The following SZT2 variants were observed in gnomAD, a reference collection of about 807,000 sequenced individuals.
SZT2 encodes the protein KICSTOR complex protein SZT2.
Under a neutral mutation model 404.2 loss-of-function variants are expected in SZT2, and 216 were observed. The ratio of observed to expected loss-of-function variants is 0.53; its 90% CI spans 0.48 to 0.60. The LOEUF is 0.60. SZT2 is among the 20% of genes least tolerant of loss of function. The probability of loss-of-function intolerance (pLI) is 0.00; values close to 1 mark genes in which losing one functional copy is unlikely to be tolerated. For synonymous variants in SZT2, 1,693 were observed against 1,749.9 expected (o/e 0.97, Z 0.81); for missense variants, 3,857 against 4,459.2 (o/e 0.86, Z 3.85).
rs146502950 is a variant in SZT2, at chr1:43,393,997, C to T, written c.27+4002C>T. On this transcript the variant is annotated intron_variant, in intron 1 of 71. Coordinates refer to ENST00000634258, the MANE Select transcript of SZT2 (RefSeq NM_001365999.1). ...CAAATGATAGAATCAGATTTGAATC[C>T]AGGTCCCTGACCCCGAAACTCTACT... 9.6e-3 allele frequency: 7,151 copies of T among 743,686 alleles called. 67 individuals carry two copies. The highest frequency in any genetic ancestry group is 0.047 in the Admixed American group (748 of 15,970). The allele number at this position is 743,686 out of a possible 1,614,324, so 46.1% of individuals were successfully genotyped here. A position where few individuals can be genotyped will look rare whatever the true frequency, so the allele number is the denominator to read the frequency against.
chr1:43,426,032 T>C lies in SZT2; in HGVS notation c.2930-6T>C, dbSNP rs1557555180. On this transcript the variant is annotated splice_region_variant and splice_polypyrimidine_tract_variant and intron_variant, in intron 20 of 71. Transcript: ENST00000634258. The surrounding 1 kb of genome is among the most constrained non-coding windows in gnomAD (Gnocchi z 4.9). ...CTCACTGTGTCCTGTCCTTCCTCCC[T>C]CGTAGGATTGGATCAGGGAGGAGAC... 1 of 1,613,794 alleles carries C rather than the reference T, an allele frequency of 6.2e-7. No homozygotes were observed. The highest frequency in any genetic ancestry group is 8.5e-7 in the Non-Finnish European group (1 of 1,179,920).
intron 1 of SZT2, among the ~76,000 whole-genome samples, chr1:43,402,962 T>C (rs1396978333): frequency 6.6e-6 from 1 of 152,152 alleles, no homozygotes; most frequent in African/African-American, 2.4e-5. Context: ...TCACTTCATC[T>C]ATATGGAGGT....
chr1:43,435,991 G>C (rs949938673), intron 42 of SZT2: 16 of 152,236 alleles, frequency 1.1e-4, no homozygotes, highest in African/African-American at 3.6e-4. Flanking sequence ...ATTGCCTTCT[G>C]ATTGGCTGTT....
Position 43,416,575 on chromosome 1 carries a change from T to C in SZT2, c.813T>C (p.Asp271=), listed in dbSNP as rs889448726. 6.3e-7 allele frequency: 1 copy of C among 1,598,272 alleles called. No individual in the cohort carries two copies. The highest frequency in any genetic ancestry group is 8.5e-7 in the Non-Finnish European group (1 of 1,179,818). Residue 271 remains aspartate (D), a synonymous_variant, in exon 7 of 72, where the codon GAT becomes GAC. Coordinates refer to ENST00000634258, the MANE Select transcript of SZT2 (RefSeq NM_001365999.1). ...CGGATGGGGTGACCAGTGTACCTGA[T>C]GTTGCTGTCTGTGAGACACTGCTGA... ...VITDGVTSVP[D]VAVCETLLNQ...
At position 43,420,783 on chromosome 1, in the gene SZT2, G is replaced by A. The variant is rs769656441; in HGVS notation, c.1296G>A (p.Leu432=). The change falls in exon 10 of 72, where the codon CTG becomes CTA. Residue 432 remains leucine, a synonymous_variant. Transcript: ENST00000634258. This position sits in a 1 kb window ranked among gnomAD's most constrained non-coding sequence, Gnocchi z 5.1. ...GSQLEVKLVL[L]WKHNMRIEYV... ...AATTGGAGGTAAAGCTGGTGCTGCT[G>A]TGGAAACACAACATGCGCATTGAGT... 48 of 1,598,332 alleles carry A rather than the reference G, an allele frequency of 3.0e-5. No individual in the cohort carries two copies. The African/African-American group carries it at 5.7e-4, about 19-fold the overall frequency.
intron 39 of SZT2, 73 bp from the exon 40 acceptor site, chr1:43,432,912 AAGCC>A: frequency 1.3e-6 from 2 of 1,583,720 alleles, no homozygotes; most frequent in South Asian, 2.2e-5. Flanking sequence ...GAAGTGCATC[AAGCC>A]AGATGCACCT....
In SZT2 at chr1:43,431,274, T is replaced by C. The variant is rs1321942507; in HGVS notation, c.4926T>C (p.Ser1642=). ...TTCCCACCCTGTTCAGGTCAACATC[T>C]GAAAGCAGTGCTTCATTTCCACGAT... ...ASDPQHHRST[S]ESSASFPRSP... is the part of the protein sequence containing the mutation. The change falls in exon 34 of 72, where the codon TCT becomes TCC. Residue 1642 remains serine (S), a synonymous_variant. Coordinates refer to ENST00000634258, the MANE Select transcript of SZT2 (RefSeq NM_001365999.1). 1 of 1,610,660 alleles carries C rather than the reference T, an allele frequency of 6.2e-7. No homozygotes were observed. Among genetic ancestry groups the C allele is most frequent in the East Asian group, 2.2e-5 (1 of 44,874 alleles).
At chr1:43,390,816 C>T (rs187729580) in intron 1 of SZT2, among the ~76,000 whole-genome samples, 73 of 152,266 alleles carry the variant, frequency 4.8e-4, no homozygotes, top group African/African-American at 1.7e-3. Context: ...TAAAACACCA[C>T]CACCAGGAAA....
intron 1 of SZT2, among the ~76,000 whole-genome samples, chr1:43,393,865 G>A (rs1648686887): frequency 6.6e-6 from 1 of 152,156 alleles, no homozygotes; most frequent in African/African-American, 2.4e-5. Context: ...TTCCTCTCCT[G>A]TTTAATTGCA....
At chr1:43,415,882 G>A in intron 5 of SZT2, 78 bp from the exon 6 acceptor site, 1 of 1,493,164 alleles carries the variant, frequency 6.7e-7, no homozygotes, top group Non-Finnish European at 8.9e-7. Flanking sequence ...GAAGTGCTGG[G>A]CTATAAATTC....
rs759762015 is a variant in SZT2 at position 43,389,985 on chromosome 1, C to G, written c.17C>G (p.Pro6Arg). The G allele has an allele frequency of 2.9e-5, 40 of 1,393,882 alleles. No individual in the cohort carries two copies. The highest frequency in any genetic ancestry group is 2.0e-4 in the Middle Eastern group (1 of 5,042). The allele number at this position is 1,393,882 out of a possible 1,614,324, so 86.3% of individuals were successfully genotyped here. The stretch of plus-strand genomic sequence containing the variant: ...GGCTGTGTGATGGCCTCGGAGCGCC[C>G]GGAGCCGGAGGTGAGGGGCGGGCGG... Reference protein sequence around the residue: MASERPEPEVEEAGQV... With the variant: MASERREPEVEEAGQV... The change falls in exon 1 of 72, where the codon CCG (proline) becomes CGG (arginine). Residue 6 changes from proline to arginine, a missense_variant. Physicochemically the swap from Pro to Arg is moderately radical, Grantham distance 103. Around this residue, in one of 7 missense-constraint regions of SZT2, gnomAD observed 536 missense variants for 637.4 expected, o/e 0.84. Coordinates refer to ENST00000634258, the MANE Select transcript of SZT2 (RefSeq NM_001365999.1).
chr1:43,434,495 A>G lies in SZT2; in HGVS notation c.5904+10A>G, dbSNP rs1223438628. The G allele has an allele frequency of 6.3e-7, 1 of 1,582,738 alleles. No individual in the cohort carries two copies. On this transcript the variant is annotated intron_variant, in intron 41 of 71. Transcript: ENST00000634258. ...CAGGGAGGTCAACCAGGTAAGGGGC[A>G]GGACTCTCCAGACCCGGACACACAG...
Position 43,438,736 on chromosome 1 carries a change from T to A in SZT2, c.6546T>A (p.Cys2182Ter). ...CGGATGAGCTCGTGCGAGTTCTATG[T>A]CGGCGCCTGGATGAGGCCACGCTGG... ...EITDELVRVLCRRLDEATLDV... is the reference protein window; with the variant it reads ...EITDELVRVL The change falls in exon 47 of 72, where the codon TGT (cysteine) becomes TGA (stop). Residue 2182 changes from cysteine (C) to a stop codon, truncating the protein, a stop_gained. Transcript: ENST00000634258. LOFTEE classifies it high-confidence loss of function. The A allele has an allele frequency of 1.2e-6, 2 of 1,614,096 alleles. No homozygotes were observed. The highest frequency in any genetic ancestry group is 1.7e-6 in the Non-Finnish European group (2 of 1,179,992).
At chr1:43,430,839 C>A in intron 32 of SZT2, 50 bp downstream of exon 32, 1 of 1,587,168 alleles carries the variant, frequency 6.3e-7, no homozygotes, top group East Asian at 2.2e-5. Flanking sequence ...GAACAGCCTG[C>A]CTAAGTGGGA....
chr1:43,394,008 C>A, intron 1 of SZT2: 1 of 856,950 alleles, frequency 1.2e-6, no homozygotes, highest in Non-Finnish European at 1.4e-6. Flanking sequence ...AGGTCCCTGA[C>A]CCCGAAACTC....
chr1:43,404,728 TGGAC>T, intron 4 of SZT2, 178 bp downstream of exon 4: 1 of 611,348 alleles, frequency 1.6e-6, no homozygotes, highest in East Asian at 3.0e-5. Context: ...CCAGTTCCTC[TGGAC>T]TTAAAGGGCT....
At position 43,433,207 on chromosome 1, in the gene SZT2, G is replaced by T. The variant is rs1489894956; in HGVS notation, c.5804+17G>T. On this transcript the variant is annotated intron_variant, in intron 40 of 71. Transcript: ENST00000634258. Reference sequence around the variant, plus strand: ...ACATGCACGGTAAGTAGAAGCCAGGGCCTGCACCCTCATGCTCCCATTAAC... The same window carrying T: ...ACATGCACGGTAAGTAGAAGCCAGGTCCTGCACCCTCATGCTCCCATTAAC... The T allele has an allele frequency of 1.2e-6, 2 of 1,611,270 alleles. No homozygotes were observed. The highest frequency in any genetic ancestry group is 1.7e-6 in the Non-Finnish European group (2 of 1,179,630).
rs1482318264 is a variant in SZT2 at position 43,426,198 on chromosome 1, A to G, written c.3043+47A>G. The G allele has an allele frequency of 6.3e-7, 1 of 1,592,538 alleles. No individual in the cohort carries two copies. Among genetic ancestry groups the G allele is most frequent in the Non-Finnish European group, 8.6e-7 (1 of 1,164,490 alleles). ...TCACCCCACACCTAAAGGGCCAGCA[A>G]GCCTGGAAGTATTAGAAAATAACAA... is the stretch of plus-strand genomic sequence containing the variant. On this transcript the variant is annotated intron_variant, in intron 21 of 71. Coordinates refer to ENST00000634258, the MANE Select transcript of SZT2 (RefSeq NM_001365999.1). This position sits in a 1 kb window ranked among gnomAD's most constrained non-coding sequence, Gnocchi z 4.9.
rs200187525 is a variant in SZT2, at chr1:43,447,881, G to A, written c.9473G>A (p.Arg3158Gln). 2.4e-5 allele frequency: 39 copies of A among 1,613,946 alleles called. No homozygotes were observed. In the Admixed American group the frequency reaches 2.5e-4, roughly 10 times the overall value. Residue 3158 changes from arginine to glutamine, a missense_variant, in exon 68 of 72, where the codon CGA (arginine) becomes CAA (glutamine). By Grantham distance (43) the Arg-to-Gln change is conservative. Transcript: ENST00000634258. ...SGSYLDSEGL[R>Q]HQDDFDVSLL... ...TCCTACCTGGACTCTGAGGGACTTCGACACCAGGATGACTTTGATGTGTCT... is the reference window on the plus strand; with the variant it reads ...TCCTACCTGGACTCTGAGGGACTTCAACACCAGGATGACTTTGATGTGTCT...
Sources: gnomAD v4.1 joint callset for allele counts (sites outside exome capture counted in the v4.1 genomes callset) on GRCh38, gnomAD v4.1.1 for gene constraint, gnomAD v4.1.1 regional missense constraint, Gnocchi (gnomAD v3.1) non-coding constraint, MANE v1.5 for transcripts, NCBI Gene and HGNC (gene_info 2026-07-23, HGNC 2026-07-21) for gene names.